ATP6V0A1: variants seen among roughly 807,000 people sequenced by gnomAD.
ATP6V0A1 encodes ATPase H+ transporting V0 subunit a1.
A neutral mutation model predicts 105.4 loss-of-function variants in ATP6V0A1; 43 were observed. The ratio of observed to expected loss-of-function variants is 0.41; its 90% CI spans 0.32 to 0.53. The LOEUF is 0.53. Ranked by LOEUF, ATP6V0A1 falls within the 20% of genes least tolerant of loss-of-function variation. The pLI, the probability that ATP6V0A1 is intolerant of heterozygous loss-of-function variation, is 0.30. For synonymous variants in ATP6V0A1, 362 were observed against 372.8 expected (o/e 0.97, Z 0.33); for missense variants, 676 against 1,051.1 (o/e 0.64, Z 4.93).
chr17:42,475,801 G>A (rs1007762991), intron 5 of ATP6V0A1, among the ~76,000 whole-genome samples: 1 of 152,132 alleles, frequency 6.6e-6, no homozygotes, highest in Non-Finnish European at 1.5e-5. Flanking sequence ...GGTGAAATTA[G>A]CAATTCAAAT....
Position 42,500,817 on chromosome 17 carries a change from A to T in ATP6V0A1, c.1790A>T (p.Tyr597Phe). 6.2e-7 allele frequency: 1 copy of T among 1,613,988 alleles called. No individual in the cohort carries two copies. The highest frequency in any genetic ancestry group is 1.1e-5 in the South Asian group (1 of 91,076). The change falls in exon 16 of 22, where the codon TAT becomes TTT. Residue 597 changes from tyrosine (Y) to phenylalanine (F), a missense_variant. By Grantham distance (22) the Tyr-to-Phe change is conservative. Transcript: ENST00000343619. The part of the protein sequence containing the change: ...VILIFYKWTA[Y>F]DAHTSENAPS... Reference sequence around the variant, plus strand: ...CTTATTTTTTACAAGTGGACGGCCTATGATGCTCATACCTCTGAGAATGCA... The same window carrying T: ...CTTATTTTTTACAAGTGGACGGCCTTTGATGCTCATACCTCTGAGAATGCA...
chr17:42,503,591 GC>G (rs2091841139), intron 17 of ATP6V0A1, among the ~76,000 whole-genome samples: 1 of 152,110 alleles, frequency 6.6e-6, no homozygotes, highest in South Asian at 2.1e-4. Context: ...AAATATATTA[GC>G]CTAATATATT....
chr17:42,479,815 T>C (rs1014278877), intron 7 of ATP6V0A1, among the ~76,000 whole-genome samples: 33 of 152,240 alleles, frequency 2.2e-4, no homozygotes, highest in African/African-American at 8.0e-4. Context: ...GAGGAACTTT[T>C]CTCAGGAATA....
intron 12 of ATP6V0A1, chr17:42,494,824 C>T: frequency 1.9e-6 from 1 of 533,036 alleles, no homozygotes; most frequent in Non-Finnish European, 3.2e-6. Flanking sequence ...ACCGCAGTAA[C>T]TTTTGTGCCA....
chr17:42,521,088 G>A lies in ATP6V0A1; in HGVS notation c.2482G>A (p.Glu828Lys). 3.1e-6 allele frequency: 5 copies of A among 1,609,536 alleles called. No homozygotes were observed. Among genetic ancestry groups the A allele is most frequent in the Non-Finnish European group, 3.4e-6 (4 of 1,177,908 alleles). The change falls in exon 22 of 22, where the codon GAG (glutamate) becomes AAG (lysine). Residue 828 changes from glutamate (E) to lysine (K), a missense_variant. Physicochemically the swap from Glu to Lys is moderately conservative, Grantham distance 56 (BLOSUM62 1). Around this residue, in one of 3 missense-constraint regions of ATP6V0A1, gnomAD observed 435 missense variants for 642.2 expected, o/e 0.68. Transcript: ENST00000343619. The surrounding 1 kb of genome is among the most constrained non-coding windows in gnomAD (Gnocchi z 4.8). ...TGFKFLPFSF[E>K]HIREGKFEE ...TTTCAAGTTCTTACCCTTCTCCTTC[G>A]AGCATATTCGGGAAGGGAAGTTTGA... is the stretch of plus-strand genomic sequence containing the variant.
rs934088578 is a variant in ATP6V0A1 at position 42,466,526 on chromosome 17, T to C, written c.196+19T>C. ...AAGCTTCGTATGTGCACTTTGGTCTTGTGTAATGTTCCTTTAATGAATCAT... is the reference window on the plus strand; with the variant it reads ...AAGCTTCGTATGTGCACTTTGGTCTCGTGTAATGTTCCTTTAATGAATCAT... On this transcript the variant is annotated intron_variant, in intron 3 of 21. Coordinates refer to ENST00000343619, the MANE Select transcript of ATP6V0A1 (RefSeq NM_001130021.3). 2 of 1,592,402 alleles carry C rather than the reference T, an allele frequency of 1.3e-6. No individual in the cohort carries two copies.
rs1356319600 is a variant in ATP6V0A1, at chr17:42,494,401, T to C, written c.1242T>C (p.Ile414=). 1.2e-6 allele frequency: 2 copies of C among 1,613,838 alleles called. No homozygotes were observed. Among genetic ancestry groups the C allele is most frequent in the Admixed American group, 3.3e-5 (2 of 60,012 alleles). The change falls in exon 12 of 22, where the codon ATT becomes ATC. Residue 414 remains isoleucine (I), a synonymous_variant. Coordinates refer to ENST00000343619, the MANE Select transcript of ATP6V0A1 (RefSeq NM_001130021.3). Reference sequence around the variant, plus strand: ...TGTTTGGAGACTTCGGTCATGGCATTTTAATGACCCTTTTTGCTGTGTGGA... The same window carrying C: ...TGTTTGGAGACTTCGGTCATGGCATCTTAATGACCCTTTTTGCTGTGTGGA... ...AVMFGDFGHG[I]LMTLFAVWMV...
chr17:42,493,323 GCT>G (rs1336487106), intron 11 of ATP6V0A1, among the ~76,000 whole-genome samples: 1 of 152,116 alleles, frequency 6.6e-6, no homozygotes, highest in Non-Finnish European at 1.5e-5. Context: ...TTTGCTCTGG[GCT>G]CTCTCCATCT....
chr17:42,487,738 A>T (rs4796590), intron 10 of ATP6V0A1, among the ~76,000 whole-genome samples: 145,090 of 151,368 alleles, frequency 0.96, 69,826 homozygotes, highest in South Asian at 1. Flanking sequence ...AAAAAAAAAA[A>T]ATAATAATAA....
chr17:42,472,687 G>A (rs899553571), intron 5 of ATP6V0A1, among the ~76,000 whole-genome samples: 2 of 152,018 alleles, frequency 1.3e-5, no homozygotes, highest in African/African-American at 4.8e-5. Flanking sequence ...TCGCACCACT[G>A]CACTCTAGCC....
intron 11 of ATP6V0A1, among the ~76,000 whole-genome samples, chr17:42,491,144 A>C (rs1235738430): frequency 1.3e-5 from 2 of 152,092 alleles, no homozygotes; most frequent in African/African-American, 2.4e-5. Flanking sequence ...TCCTGGGCTC[A>C]AGGAAGCCTC....
chr17:42,503,587 A>G (rs937383654), intron 17 of ATP6V0A1, among the ~76,000 whole-genome samples: 1 of 152,252 alleles, frequency 6.6e-6, no homozygotes, highest in Non-Finnish European at 1.5e-5. Flanking sequence ...GCACAAATAT[A>G]TTAGCCTAAT....
At position 42,460,757 on chromosome 17, in the gene ATP6V0A1, G is replaced by A. The variant is rs2086308050; in HGVS notation, c.-47-91G>A. The A allele has an allele frequency of 2.6e-5, 18 of 687,488 alleles. No individual in the cohort carries two copies. The South Asian group carries it at 2.9e-4, about 11-fold the overall frequency. 42.6% of individuals were successfully genotyped at this position (687,488 alleles called of 1,614,324 possible). ...GTTGACCTGTCCTCATGGGGTGTTA[G>A]AAATGTAAATGCAAGAGCCGTAGTG... On this transcript the variant is annotated intron_variant, in intron 1 of 21. Transcript: ENST00000343619.
At chr17:42,500,235 T>G (rs745568611) in intron 15 of ATP6V0A1, among the ~76,000 whole-genome samples, 2 of 152,144 alleles carry the variant, frequency 1.3e-5, no homozygotes, top group Non-Finnish European at 2.9e-5. Context: ...ATCCTGCACT[T>G]TGGGAGGCCA....
Position 42,513,922 on chromosome 17 carries a change from G to C in ATP6V0A1, c.2192G>C (p.Cys731Ser), listed in dbSNP as rs866092970. ...CACACCATCGAGTACTGCCTGGGCT[G>C]CATCTCCAACACTGCCTCCTACTTG... ...AIHTIEYCLG[C>S]ISNTASYLRL... The change falls in exon 20 of 22, where the codon TGC becomes TCC. Residue 731 changes from cysteine to serine, a missense_variant. This residue lies in a region of ATP6V0A1 where 435 missense variants were observed against 642.2 expected (regional missense o/e 0.68). Coordinates refer to ENST00000343619, the MANE Select transcript of ATP6V0A1 (RefSeq NM_001130021.3). The C allele has an allele frequency of 6.2e-7, 1 of 1,614,182 alleles. No individual in the cohort carries two copies. Among genetic ancestry groups the C allele is most frequent in the Non-Finnish European group, 8.5e-7 (1 of 1,180,032 alleles).
intron 21 of ATP6V0A1, 31 bp from the exon 22 acceptor site, chr17:42,520,996 G>A: frequency 6.5e-7 from 1 of 1,549,346 alleles, no homozygotes; most frequent in Non-Finnish European, 8.8e-7. Flanking sequence ...AGTTTCTATT[G>A]AATGACAGCT....
intron 5 of ATP6V0A1, among the ~76,000 whole-genome samples, chr17:42,474,290 C>T (rs576085475): frequency 5.9e-5 from 9 of 152,078 alleles, no homozygotes; most frequent in East Asian, 5.8e-4. Flanking sequence ...TGTGAGCCAC[C>T]GCACCCAGCC....
chr17:42,515,328 G>A (rs1348220352), intron 21 of ATP6V0A1, among the ~76,000 whole-genome samples: 3 of 151,798 alleles, frequency 2.0e-5, no homozygotes, highest in African/African-American at 4.8e-5. Context: ...TTAGCCAGGT[G>A]TGGTGGCACG....
At chr17:42,517,179 C>T (rs1204716353) in intron 21 of ATP6V0A1, among the ~76,000 whole-genome samples, 1 of 152,116 alleles carries the variant, frequency 6.6e-6, no homozygotes, top group Non-Finnish European at 1.5e-5. Context: ...ACTCGGGAGG[C>T]TGAGGCAAGA....
Sources: allele counts gnomAD v4.1 joint callset (sites outside exome capture counted in the v4.1 genomes callset), GRCh38; gene constraint gnomAD v4.1.1; regional missense constraint gnomAD v4.1.1; non-coding constraint Gnocchi (gnomAD v3.1); transcripts MANE v1.5; gene names NCBI Gene and HGNC (gene_info 2026-07-23, HGNC 2026-07-21).